The following FBXO21 variants were observed in gnomAD, a reference collection of about 807,000 sequenced individuals.
The protein encoded by FBXO21 is F-box only protein 21.
In FBXO21, 32 loss-of-function variants were observed where a neutral mutation model predicts 76.6. That is an observed-to-expected ratio of 0.42 (90% CI 0.32 to 0.56). The LOEUF is 0.56. Ranked by LOEUF, FBXO21 falls within the 20% of genes least tolerant of loss-of-function variation. The probability of loss-of-function intolerance (pLI) is 0.16; values close to 1 mark genes in which losing one functional copy is unlikely to be tolerated. For missense variants in FBXO21, 586 were observed against 797.3 expected (o/e 0.73, Z 3.19); for synonymous variants, 328 against 311.5 (o/e 1.05, Z -0.56).
rs534001565 is a variant in FBXO21, at chr12:117,186,289, A to C, written c.470+188T>G. On this transcript the variant is annotated intron_variant, in intron 3 of 11. Coordinates refer to ENST00000622495, the MANE Select transcript of FBXO21 (RefSeq NM_015002.3). ...ATTTTCTTTCCAAAAGGATTTTTGT[A>C]AGGTTTCTTTATATGTCAATTGTCT... 3.3e-5 allele frequency among the ~76,000 whole-genome samples: 5 copies of C among 152,330 alleles called. No homozygotes were observed. The South Asian group carries it at 1.0e-3, about 32-fold the overall frequency.
Position 117,155,942 on chromosome 12 carries a change from G to C in FBXO21, c.1524C>G (p.Gly508=), listed in dbSNP as rs61999294. 5.0e-6 allele frequency: 8 copies of C among 1,613,990 alleles called. No individual in the cohort carries two copies. In the African/African-American group the frequency reaches 9.3e-5, roughly 19 times the overall value. ...CCCAGCCGTAGATCACACAGTTATA[G>C]CCATACCTAGTTAACACAGGAGGAG... is the stretch of plus-strand genomic sequence containing the variant. ...IGLIMKHKRY[G]YNCVIYGWDP... Residue 508 remains glycine (G), a synonymous_variant, in exon 11 of 12, where the codon GGC becomes GGG. Coordinates refer to ENST00000622495, the MANE Select transcript of FBXO21 (RefSeq NM_015002.3).
chr12:117,184,917 G>A (rs1956268306), intron 3 of FBXO21, among the ~76,000 whole-genome samples: 1 of 152,094 alleles, frequency 6.6e-6, no homozygotes, highest in African/African-American at 2.4e-5. Context: ...TCCCAATTTT[G>A]TGCAATAATG....
At position 117,142,565 on chromosome 12, in the gene FBXO21, G is replaced by C. The variant is rs976281238; in HGVS notation, c.*3522C>G. On this transcript the variant is annotated 3_prime_UTR_variant, in exon 12 of 12. Coordinates refer to ENST00000622495, the MANE Select transcript of FBXO21 (RefSeq NM_015002.3). ...TAGGCCAGTGCCCGGCTCAAAGTTAGCATGCCACACAAAATAATACGTACA... is the reference window on the plus strand; with the variant it reads ...TAGGCCAGTGCCCGGCTCAAAGTTACCATGCCACACAAAATAATACGTACA... 6.7e-6 allele frequency: 1 copy of C among 150,154 alleles called. No homozygotes were observed. The highest frequency in any genetic ancestry group is 2.5e-5 in the African/African-American group (1 of 40,606). The allele number at this position is 150,154 out of a possible 1,614,324, so 9.3% of individuals were successfully genotyped here.
rs978891458 is a variant in FBXO21 at position 117,189,499 on chromosome 12, AC to A, written c.240-138del. ...ACCCCGGCGAGAGACCTAGTTCAAAACCCCACCAGCATTCACTCACTCACTC... is the reference window on the plus strand; with the variant it reads ...ACCCCGGCGAGAGACCTAGTTCAAAACCCACCAGCATTCACTCACTCACTC... On this transcript the variant is annotated intron_variant, in intron 1 of 11. Transcript: ENST00000622495. 1.7e-5 allele frequency: 14 copies of A among 810,760 alleles called. No individual in the cohort carries two copies. The African/African-American group carries it at 2.2e-4, about 13-fold the overall frequency. 50.2% of individuals were successfully genotyped at this position (810,760 alleles called of 1,614,324 possible).
At chr12:117,179,311 G>A (rs1391814403) in intron 3 of FBXO21, among the ~76,000 whole-genome samples, 8 of 152,190 alleles carry the variant, frequency 5.3e-5, no homozygotes, top group African/African-American at 7.2e-5. Flanking sequence ...GGGGCCCCCC[G>A]CAACAATAAT....
chr12:117,153,674 T>C (rs1168196576), intron 11 of FBXO21, among the ~76,000 whole-genome samples: 3 of 150,332 alleles, frequency 2.0e-5, no homozygotes, highest in Non-Finnish European at 4.4e-5. Context: ...GGCCCAGGAC[T>C]CCGAGTCCCT....
At chr12:117,148,519 G>C (rs997749027) in intron 11 of FBXO21, among the ~76,000 whole-genome samples, 1 of 152,250 alleles carries the variant, frequency 6.6e-6, no homozygotes, top group Non-Finnish European at 1.5e-5. Flanking sequence ...GGGCCTGGAA[G>C]GCCATGGATC....
intron 3 of FBXO21, among the ~76,000 whole-genome samples, chr12:117,184,191 AAAC>A (rs971193171): frequency 6.3e-5 from 9 of 143,926 alleles, no homozygotes; most frequent in Non-Finnish European, 1.2e-4. Context: ...GAAAAAAGCA[AAAC>A]AACTCCCCCC....
At chr12:117,178,670 T>TG (rs1294562527) in intron 3 of FBXO21, among the ~76,000 whole-genome samples, 13 of 124,456 alleles carry the variant, frequency 1.0e-4, no homozygotes, top group Non-Finnish European at 2.0e-4. Flanking sequence ...TAGTGCCCTG[T>TG]TCTTCTGCCT....
rs545727147 is a variant in FBXO21, at chr12:117,190,362, T to C, written c.95A>G (p.Asn32Ser). The C allele has an allele frequency of 7.7e-5, 118 of 1,531,132 alleles. No individual in the cohort carries two copies. The African/African-American group carries it at 1.2e-3, about 15-fold the overall frequency. 94.8% of individuals were successfully genotyped at this position (1,531,132 alleles called of 1,614,324 possible). Residue 32 changes from asparagine to serine, a missense_variant, in exon 1 of 12, where the codon AAC becomes AGC. Transcript: ENST00000622495. ...GTACTCCAGCACCTCACCCGGCAGG[T>C]TGACGAGGCAGCTGAGGCCCGCTAC... ...PEVAGLSCLV[N>S]LPGEVLEYIL...
At chr12:117,158,109 G>A (rs1955937867) in intron 9 of FBXO21, 46 bp from the exon 10 acceptor site, 2 of 1,609,376 alleles carry the variant, frequency 1.2e-6, no homozygotes, top group Non-Finnish European at 1.7e-6. Context: ...TTTCAGCTAG[G>A]CCTTTTCTTT....
chr12:117,158,136 T>G (rs1955938424), intron 9 of FBXO21, 73 bp from the exon 10 acceptor site: 1 of 1,545,406 alleles, frequency 6.5e-7, no homozygotes. Flanking sequence ...GCGAGGGATT[T>G]AGACCTACCT....
intron 3 of FBXO21, among the ~76,000 whole-genome samples, chr12:117,186,185 A>G (rs1956282228): frequency 6.6e-6 from 1 of 152,224 alleles, no homozygotes; most frequent in African/African-American, 2.4e-5. Flanking sequence ...CCTATTACCA[A>G]AAGGTTTCTA....
rs559377534 is a variant in FBXO21, at chr12:117,190,382, C to G, written c.75G>C (p.Ala25=). 280 of 1,508,310 alleles carry G rather than the reference C, an allele frequency of 1.9e-4. 2 individuals carry two copies. The East Asian group carries it at 4.5e-3, about 24-fold the overall frequency. 93.4% of individuals were successfully genotyped at this position (1,508,310 alleles called of 1,614,324 possible). The change falls in exon 1 of 12, where the codon GCG becomes GCC. Residue 25 remains alanine, a synonymous_variant. Coordinates refer to ENST00000622495, the MANE Select transcript of FBXO21 (RefSeq NM_015002.3). ...GCAGGTTGACGAGGCAGCTGAGGCC[C>G]GCTACCTCCGGCGCGGCCTCCTCCG... is the stretch of plus-strand genomic sequence containing the variant. ...ALAEEAAPEV[A]GLSCLVNLPG...
Position 117,158,010 on chromosome 12 carries a change from C to A in FBXO21, c.1380G>T (p.Ala460=), listed in dbSNP as rs777080276. ...IQTLDPGQHG[A]VGYLVQHTLE... is the part of the protein sequence containing the mutation. ...GAGTGTGCTGCACCAGGTAGCCCAC[C>A]GCCCCGTGCTGCCCCGGGTCTAGGG... is the stretch of plus-strand genomic sequence containing the variant. Residue 460 remains alanine, a synonymous_variant, in exon 10 of 12, where the codon GCG becomes GCT. Transcript: ENST00000622495. 5 of 1,614,218 alleles carry A rather than the reference C, an allele frequency of 3.1e-6. 1 individual carries two copies. In the South Asian group the frequency reaches 5.5e-5, roughly 18 times the overall value.
intron 8 of FBXO21, among the ~76,000 whole-genome samples, chr12:117,166,124 A>G (rs934146604): frequency 6.8e-6 from 1 of 146,950 alleles, no homozygotes; most frequent in South Asian, 2.2e-4. Flanking sequence ...CAGGAGACAG[A>G]GGTTGTGGTG....
In FBXO21 at chr12:117,151,678, GATT is replaced by G. The variant is rs1246391450; in HGVS notation, c.1675+4110_1675+4112del. ...ATGTGAGCATAAAATTGTCCCACGT[GATT>G]ATAACACATTGAATAAATAAAAATC... On this transcript the variant is annotated intron_variant, in intron 11 of 11. Transcript: ENST00000622495. 6.6e-5 allele frequency among the ~76,000 whole-genome samples: 10 copies of G among 152,126 alleles called. No homozygotes were observed. The South Asian group carries it at 1.9e-3, about 28-fold the overall frequency.
intron 3 of FBXO21, among the ~76,000 whole-genome samples, chr12:117,180,478 T>G (rs930015342): frequency 6.6e-6 from 1 of 152,230 alleles, no homozygotes. Flanking sequence ...CTTATATCTA[T>G]GTCTTCTTTA....
rs144755940 is a variant in FBXO21, at chr12:117,147,290, G to GAAA, written c.1676-1016_1676-1014dup. Among the ~76,000 whole-genome samples the GAAA allele has an allele frequency of 8.6e-4, 73 of 85,074 alleles. 1 individual carries two copies. The highest frequency in any genetic ancestry group is 3.4e-3 in the African/African-American group (70 of 20,842). The allele number at this position is 85,074 out of a possible 152,430, so 55.8% of individuals were successfully genotyped here. On this transcript the variant is annotated intron_variant, in intron 11 of 11. Transcript: ENST00000622495. ...AATAGAAAATAAGACTGAAAAAATG[G>GAAA]AAAAAAAAAAAAAAAAAGAAAAAAA...
Sources: allele counts gnomAD v4.1 joint callset (sites outside exome capture counted in the v4.1 genomes callset), GRCh38; gene constraint gnomAD v4.1.1; transcripts MANE v1.5; gene names NCBI Gene and HGNC (gene_info 2026-07-23, HGNC 2026-07-21).